The following DENND2B variants were observed in gnomAD, a reference collection of about 807,000 sequenced individuals.
DENND2B encodes the protein DENN domain-containing protein 2B.
DENND2B carries 32 observed loss-of-function variants against 116.0 expected under a neutral mutation model. That is an observed-to-expected ratio of 0.28 (90% CI 0.21 to 0.37). The LOEUF (loss-of-function observed/expected upper bound fraction) is 0.37, where lower values mean the gene tolerates loss of function less well. DENND2B is among the 10% of genes least tolerant of loss of function. The pLI is 1.00. For missense variants in DENND2B, 1,276 were observed against 1,477.7 expected (o/e 0.86, Z 2.24); for synonymous variants, 588 against 583.9 (o/e 1.01, Z -0.10).
chr11:8,706,946 C>A, intron 13 of DENND2B, 139 bp downstream of exon 13: 1 of 1,108,336 alleles, frequency 9.0e-7, no homozygotes, highest in South Asian at 1.9e-5. Context: ...TCTTTTGGTC[C>A]CTAGTGATGG....
chr11:8,838,777 C>T (rs1424324032), intron 4 of DENND2B, among the ~76,000 whole-genome samples: 11 of 152,142 alleles, frequency 7.2e-5, no homozygotes, highest in Admixed American at 6.5e-4. Context: ...AGAGGGAAAG[C>T]ATTTACGGAA....
At chr11:8,717,677 GA>G in intron 5 of DENND2B, 63 bp downstream of exon 5, 1 of 1,471,058 alleles carries the variant, frequency 6.8e-7, no homozygotes, top group Non-Finnish European at 9.0e-7. Flanking sequence ...CCAAGTCTTG[GA>G]AGAGCAGGCC....
chr11:8,873,500 A>G (rs2063813248), upstream of DENND2B, among the ~76,000 whole-genome samples: 1 of 152,242 alleles, frequency 6.6e-6, no homozygotes, highest in Admixed American at 6.5e-5. Flanking sequence ...TAAACTTCAT[A>G]TATGTGACTA....
intron 4 of DENND2B, among the ~76,000 whole-genome samples, chr11:8,835,329 G>A (rs1011379954): frequency 2.0e-5 from 3 of 152,142 alleles, no homozygotes; most frequent in East Asian, 3.8e-4. Context: ...TGGATATCTG[G>A]GGGGAATCTT....
Position 8,693,899 on chromosome 11 carries a change from A to G in DENND2B, c.*197T>C. The G allele has an allele frequency of 1.8e-6, 1 of 543,102 alleles. No homozygotes were observed. Among genetic ancestry groups the G allele is most frequent in the Non-Finnish European group, 3.2e-6 (1 of 310,760 alleles). 33.6% of individuals were successfully genotyped at this position (543,102 alleles called of 1,614,324 possible). On this transcript the variant is annotated 3_prime_UTR_variant, in exon 20 of 20. Transcript: ENST00000313726. The stretch of plus-strand genomic sequence containing the variant: ...TGCCATATTCTCTTTGCTTGTTACA[A>G]AAAACAGTTAAGAAAGCTTACAGCA...
chr11:8,806,605 A>AACACACACACACACACAC (rs71059180), intron 1 of DENND2B, among the ~76,000 whole-genome samples: 11,277 of 118,384 alleles, frequency 0.095, 718 homozygotes, highest in Non-Finnish European at 0.1. Context: ...CTCCCTTCAA[A>AACACACACACACACACAC]ACACACACAC....
chr11:8,843,189 G>C (rs1360420088), intron 3 of DENND2B, among the ~76,000 whole-genome samples: 1 of 152,076 alleles, frequency 6.6e-6, no homozygotes, highest in Non-Finnish European at 1.5e-5. Flanking sequence ...GCTAATTTTT[G>C]TATTTTTTGT....
intron 13 of DENND2B, chr11:8,703,243 C>G (rs1180669670): frequency 6.5e-6 from 1 of 153,832 alleles, no homozygotes; most frequent in Non-Finnish European, 1.4e-5. Flanking sequence ...GAGTTTCCTT[C>G]CAGAGGCTGT....
chr11:8,769,807 C>T (rs2056539524), intron 1 of DENND2B, among the ~76,000 whole-genome samples: 1 of 152,112 alleles, frequency 6.6e-6, no homozygotes, highest in African/African-American at 2.4e-5. Flanking sequence ...TCCCTTATGA[C>T]ATTTCACATA....
At position 8,712,843 on chromosome 11, in the gene DENND2B, C is replaced by T; in HGVS notation, c.1988-108G>A. 1 of 1,195,158 alleles carries T rather than the reference C, an allele frequency of 8.4e-7. No individual in the cohort carries two copies. The highest frequency in any genetic ancestry group is 1.1e-6 in the Non-Finnish European group (1 of 870,412). 74.0% of individuals were successfully genotyped at this position (1,195,158 alleles called of 1,614,324 possible). Reference sequence around the variant, plus strand: ...TGTGGAGCACTTTTAAGTACGTGAGCCTAGTCTGATACCATCCCCAGCTCA... The same window carrying T: ...TGTGGAGCACTTTTAAGTACGTGAGTCTAGTCTGATACCATCCCCAGCTCA... On this transcript the variant is annotated intron_variant, in intron 8 of 19. Transcript: ENST00000313726. This position sits in a 1 kb window ranked among gnomAD's most constrained non-coding sequence, Gnocchi z 4.4.
At chr11:8,698,856 G>T in intron 16 of DENND2B, 77 bp downstream of exon 16, 1 of 1,533,988 alleles carries the variant, frequency 6.5e-7, no homozygotes, top group Non-Finnish European at 9.0e-7. Flanking sequence ...CAACAAACAG[G>T]TTGTGAAGGT....
chr11:8,740,607 ACCATGAGTG>A (rs1459009054), intron 2 of DENND2B, among the ~76,000 whole-genome samples: 2 of 152,316 alleles, frequency 1.3e-5, no homozygotes, highest in Non-Finnish European at 2.9e-5. Context: ...CCTGAGAGGT[ACCATGAGTG>A]CCATGAGTGT....
At chr11:8,901,680 A>G (rs1002355395) in intron 1 of DENND2B, among the ~76,000 whole-genome samples, 1 of 152,208 alleles carries the variant, frequency 6.6e-6, no homozygotes, top group Non-Finnish European at 1.5e-5. Context: ...CTTTCAGTTC[A>G]AAACATTTCC....
intron 4 of DENND2B, among the ~76,000 whole-genome samples, chr11:8,826,973 A>G (rs7127564): frequency 0.69 from 104,727 of 152,088 alleles, 38,067 homozygotes; most frequent in Admixed American, 0.81. Flanking sequence ...TGTGGAGGGA[A>G]CGGGGAGAGT....
At chr11:8,797,270 A>AC (rs1179512179) in intron 1 of DENND2B, among the ~76,000 whole-genome samples, 1 of 152,206 alleles carries the variant, frequency 6.6e-6, no homozygotes, top group Non-Finnish European at 1.5e-5. Context: ...AGTAAACATT[A>AC]CACTAATGTC....
At position 8,712,443 on chromosome 11, in the gene DENND2B, G is replaced by T; in HGVS notation, c.2172+108C>A. 7 of 1,273,196 alleles carry T rather than the reference G, an allele frequency of 5.5e-6. No individual in the cohort carries two copies. The highest frequency in any genetic ancestry group is 7.5e-6 in the Non-Finnish European group (7 of 935,796). The allele number at this position is 1,273,196 out of a possible 1,614,324, so 78.9% of individuals were successfully genotyped here. On this transcript the variant is annotated intron_variant, in intron 9 of 19. Transcript: ENST00000313726. This position sits in a 1 kb window ranked among gnomAD's most constrained non-coding sequence, Gnocchi z 4.4. ...GGCAGGTTCAGGGCTGTGGCAGCTC[G>T]GTGAGGACGTATGACGAACAAGATC...
At chr11:8,695,801 G>C (rs1005029964) in intron 18 of DENND2B, 28 of 531,420 alleles carry the variant, frequency 5.3e-5, no homozygotes, top group Non-Finnish European at 8.8e-5. Context: ...AGGTGAGGAG[G>C]CTGCTTCTCA....
chr11:8,839,156 G>A (rs1272042382), intron 4 of DENND2B, among the ~76,000 whole-genome samples: 2 of 152,344 alleles, frequency 1.3e-5, no homozygotes, highest in South Asian at 4.1e-4. Context: ...GAATCTATGA[G>A]AATGAGATGG....
rs2059806492 is a variant in DENND2B, at chr11:8,796,289, C to T, written c.-26+14228G>A. On this transcript the variant is annotated intron_variant, in intron 1 of 19. Transcript: ENST00000313726. ...GGACACAGTGGCTCACGCCTGTAAT[C>T]CCAGCACTTTGGGAGGCCAAGGTGG... is the stretch of plus-strand genomic sequence containing the variant. Among the ~76,000 whole-genome samples, 5 of 152,336 alleles carry T rather than the reference C, an allele frequency of 3.3e-5. No homozygotes were observed. In the South Asian group the frequency reaches 1.0e-3, roughly 32 times the overall value.
Sources: allele counts gnomAD v4.1 joint callset (sites outside exome capture counted in the v4.1 genomes callset), GRCh38; gene constraint gnomAD v4.1.1; non-coding constraint Gnocchi (gnomAD v3.1); transcripts MANE v1.5; gene names NCBI Gene and HGNC (gene_info 2026-07-23, HGNC 2026-07-21).